The following DNAJA3 variants were observed in gnomAD, a reference collection of about 807,000 sequenced individuals.
DNAJA3 encodes the protein dnaJ homolog subfamily A member 3, mitochondrial.
Under a neutral mutation model 54.9 loss-of-function variants are expected in DNAJA3, and 29 were observed. The observed-to-expected ratio is 0.53, with a 90% CI of 0.39 to 0.72. The LOEUF is 0.72. DNAJA3 is among the 30% of genes least tolerant of loss of function. The pLI is 0.00. For missense variants in DNAJA3, 708 were observed against 639.4 expected (o/e 1.11, Z -1.16); for synonymous variants, 302 against 251.4 (o/e 1.20, Z -1.90).
At chr16:4,454,226 C>T (rs2057009854) in intron 10 of DNAJA3, among the ~76,000 whole-genome samples, 1 of 152,210 alleles carries the variant, frequency 6.6e-6, no homozygotes, top group Non-Finnish European at 1.5e-5. Flanking sequence ...TTTGCGCACA[C>T]AGCAGCATGG....
intron 3 of DNAJA3, chr16:4,440,590 CA>C (rs956839382): frequency 3.5e-3 from 444 of 125,292 alleles, no homozygotes; most frequent in Admixed American, 3.4e-3. Context: ...ACTCCCGTCT[CA>C]AAAAAAAAAA....
chr16:4,445,429 G>A (rs573212639), intron 7 of DNAJA3, among the ~76,000 whole-genome samples: 1 of 152,234 alleles, frequency 6.6e-6, no homozygotes, highest in African/African-American at 2.4e-5. Context: ...ATGGCATTAT[G>A]TATTATTTAG....
intron 1 of DNAJA3, among the ~76,000 whole-genome samples, chr16:4,430,145 TA>T (rs1214892090): frequency 6.7e-6 from 1 of 149,382 alleles, no homozygotes. Flanking sequence ...CCCTGTCTCT[TA>T]AAAAAAAAAA....
chr16:4,445,927 T>C (rs913008740), intron 7 of DNAJA3, among the ~76,000 whole-genome samples: 1 of 125,532 alleles, frequency 8.0e-6, no homozygotes, highest in African/African-American at 2.6e-5. Flanking sequence ...CTTTTTTTTC[T>C]TTTTTTTTTC....
At chr16:4,453,389 A>G (rs1004764391) in intron 10 of DNAJA3, among the ~76,000 whole-genome samples, 7 of 151,384 alleles carry the variant, frequency 4.6e-5, no homozygotes, top group South Asian at 2.1e-4. Flanking sequence ...TGCAATTACT[A>G]TGTGACTTTT....
intron 11 of DNAJA3, 37 bp downstream of exon 11, chr16:4,454,964 TC>T (rs2057018871): frequency 7.0e-7 from 1 of 1,420,892 alleles, no homozygotes; most frequent in African/African-American, 1.4e-5. Context: ...CCCTTTGTTT[TC>T]CTCTGTGAAC....
At chr16:4,445,029 GA>G (rs2056886683) in intron 7 of DNAJA3, among the ~76,000 whole-genome samples, 1 of 152,192 alleles carries the variant, frequency 6.6e-6, no homozygotes, top group South Asian at 2.1e-4. Context: ...CAGTGAGTGT[GA>G]AAGTTACAAT....
At chr16:4,432,793 A>G (rs2056721624) in intron 1 of DNAJA3, among the ~76,000 whole-genome samples, 1 of 150,512 alleles carries the variant, frequency 6.6e-6, no homozygotes, top group South Asian at 2.1e-4. Flanking sequence ...CCAAAATCGC[A>G]CCACTGCACG....
intron 10 of DNAJA3, among the ~76,000 whole-genome samples, chr16:4,452,159 T>C (rs1284341437): frequency 6.6e-6 from 1 of 152,166 alleles, no homozygotes; most frequent in Non-Finnish European, 1.5e-5. Flanking sequence ...TTGGTACATA[T>C]ACTGTGTATA....
intron 1 of DNAJA3, among the ~76,000 whole-genome samples, chr16:4,426,305 C>T (rs1304629332): frequency 6.6e-6 from 1 of 152,202 alleles, no homozygotes; most frequent in Non-Finnish European, 1.5e-5. Context: ...CCCCCGGCGG[C>T]GGTGATGAAA....
At chr16:4,434,307 C>A (rs563300871) in intron 1 of DNAJA3, 77 bp from the exon 2 acceptor site, 40 of 1,507,618 alleles carry the variant, frequency 2.7e-5, no homozygotes, top group Non-Finnish European at 3.5e-5. Context: ...CAGATATAGC[C>A]TGGTGGGTCA....
In DNAJA3 at chr16:4,426,103, G is replaced by T; in HGVS notation, c.211+11G>T. 3 of 1,554,408 alleles carry T rather than the reference G, an allele frequency of 1.9e-6. No individual in the cohort carries two copies. Among genetic ancestry groups the T allele is most frequent in the Non-Finnish European group, 2.6e-6 (3 of 1,149,242 alleles). ...GTGTCAGCCTTACAGGTGAGGGCAG[G>T]TTCCAACTTCCGAGTGGCGGTTTCA... On this transcript the variant is annotated intron_variant, in intron 1 of 11. Coordinates refer to ENST00000262375, the MANE Select transcript of DNAJA3 (RefSeq NM_005147.6).
At chr16:4,450,564 C>G in intron 10 of DNAJA3, 67 bp downstream of exon 10, 1 of 1,252,712 alleles carries the variant, frequency 8.0e-7, no homozygotes, top group African/African-American at 1.5e-5. Context: ...ATGGACAATT[C>G]AGGGCAGCAT....
rs531467758 is a variant in DNAJA3 at position 4,437,586 on chromosome 16, G to C, written c.429+101G>C. 10 of 903,422 alleles carry C rather than the reference G, an allele frequency of 1.1e-5. No homozygotes were observed. In the African/African-American group the frequency reaches 1.7e-4, roughly 15 times the overall value. The allele number at this position is 903,422 out of a possible 1,614,324, so 56.0% of individuals were successfully genotyped here. On this transcript the variant is annotated intron_variant, in intron 3 of 11. Coordinates refer to ENST00000262375, the MANE Select transcript of DNAJA3 (RefSeq NM_005147.6). ...ACAGCCTGGTGTGTCATACAGTCCAGTGTGAAGGCCATGTCCCTGCGCCAA... is the reference window on the plus strand; with the variant it reads ...ACAGCCTGGTGTGTCATACAGTCCACTGTGAAGGCCATGTCCCTGCGCCAA...
intron 7 of DNAJA3, among the ~76,000 whole-genome samples, chr16:4,444,996 TTA>T (rs1384342736): frequency 6.6e-6 from 1 of 152,194 alleles, no homozygotes; most frequent in African/African-American, 2.4e-5. Flanking sequence ...TCTTGTGTTT[TTA>T]TGATAAGATT....
At chr16:4,436,246 G>A (rs778550725) in intron 2 of DNAJA3, among the ~76,000 whole-genome samples, 23 of 152,152 alleles carry the variant, frequency 1.5e-4, no homozygotes, top group African/African-American at 1.9e-4. Flanking sequence ...TGTGAAGAGC[G>A]AATGGCCTGT....
Position 4,433,979 on chromosome 16 carries a change from T to C in DNAJA3, c.212-405T>C, listed in dbSNP as rs2056739459. 1.8e-5 allele frequency: 4 copies of C among 228,318 alleles called. No homozygotes were observed. The South Asian group carries it at 2.4e-4, about 14-fold the overall frequency. 14.1% of individuals were successfully genotyped at this position (228,318 alleles called of 1,614,324 possible). On this transcript the variant is annotated intron_variant, in intron 1 of 11. Coordinates refer to ENST00000262375, the MANE Select transcript of DNAJA3 (RefSeq NM_005147.6). ...AAAGACATACCTAAGACTGGGTAAA[T>C]TTTAAAGGAAAGAGGTTTATTTAAC...
chr16:4,442,772 C>T (rs1471484230), intron 5 of DNAJA3: 10 of 575,550 alleles, frequency 1.7e-5, no homozygotes, highest in African/African-American at 7.5e-5. Context: ...TGTAGACAGG[C>T]GGTATCATAT....
chr16:4,426,224 A>G, intron 1 of DNAJA3, 132 bp downstream of exon 1: 1 of 1,054,668 alleles, frequency 9.5e-7, no homozygotes, highest in Non-Finnish European at 1.3e-6. Context: ...ATTGCCGGAG[A>G]CACAGACAGG....
Sources: allele counts gnomAD v4.1 joint callset (sites outside exome capture counted in the v4.1 genomes callset), GRCh38; gene constraint gnomAD v4.1.1; transcripts MANE v1.5; gene names NCBI Gene and HGNC (gene_info 2026-07-23, HGNC 2026-07-21).